LTBP4: variants seen among roughly 807,000 people sequenced by gnomAD.
LTBP4 encodes latent-transforming growth factor beta-binding protein 4.
In LTBP4, 93 loss-of-function variants were observed where a neutral mutation model predicts 180.2. The ratio of observed to expected loss-of-function variants is 0.52; its 90% CI spans 0.44 to 0.61. LTBP4 has a LOEUF of 0.61. LTBP4 is among the 20% of genes least tolerant of loss of function. The probability of loss-of-function intolerance (pLI) is 0.00; values close to 1 mark genes in which losing one functional copy is unlikely to be tolerated. For missense variants in LTBP4, 2,116 were observed against 2,256.5 expected (o/e 0.94, Z 1.26); for synonymous variants, 947 against 934.5 (o/e 1.01, Z -0.24).
At chr19:40,626,204 C>T (rs2081632609) in intron 27 of LTBP4, among the ~76,000 whole-genome samples, 195 bp downstream of exon 27, 1 of 152,180 alleles carries the variant, frequency 6.6e-6, no homozygotes, top group Non-Finnish European at 1.5e-5. Context: ...CAGCCACAGA[C>T]ATCCCAAGGC....
chr19:40,596,917 C>T (rs952290421), upstream of LTBP4, among the ~76,000 whole-genome samples: 2 of 152,106 alleles, frequency 1.3e-5, no homozygotes, highest in African/African-American at 4.8e-5. Context: ...TTAAGCACCC[C>T]TACGCCTGGG....
At chr19:40,625,331 G>T (rs1306643008) in intron 26 of LTBP4, among the ~76,000 whole-genome samples, 25 of 67,958 alleles carry the variant, frequency 3.7e-4, no homozygotes, top group South Asian at 1.0e-3. Flanking sequence ...TTTTTTTAAA[G>T]ATGGGTTTTT....
In LTBP4 at chr19:40,627,053, A is replaced by G. The variant is rs1260963817; in HGVS notation, c.4064A>G (p.Tyr1355Cys). The change falls in exon 28 of 30, where the codon TAC becomes TGC. Residue 1355 changes from tyrosine (Y) to cysteine (C), a missense_variant. By Grantham distance (194) the Tyr-to-Cys change is radical. Transcript: ENST00000396819. ...CGACCAGGTGGCTTTGGACTCCCCT[A>G]CGAGTACGGCCCAGACTTAGGTCCA... ...PPRPGGFGLP[Y>C]EYGPDLGPPY... is the part of the protein sequence containing the mutation. The G allele has an allele frequency of 6.2e-7, 1 of 1,613,260 alleles. No homozygotes were observed. The highest frequency in any genetic ancestry group is 8.5e-7 in the Non-Finnish European group (1 of 1,179,514).
chr19:40,610,991 G>A lies in LTBP4; in HGVS notation c.1811-161G>A, dbSNP rs997982407. On this transcript the variant is annotated intron_variant, in intron 12 of 29. Transcript: ENST00000396819. ...CTACAGAGACAGAACCAGCCAGGCAGCTTAGTAGGGATTGGTGGAGGATGC... is the reference window on the plus strand; with the variant it reads ...CTACAGAGACAGAACCAGCCAGGCAACTTAGTAGGGATTGGTGGAGGATGC... The A allele has an allele frequency of 3.9e-6, 4 of 1,019,514 alleles. No homozygotes were observed. The Admixed American group carries it at 7.5e-5, about 19-fold the overall frequency. The allele number at this position is 1,019,514 out of a possible 1,614,324, so 63.2% of individuals were successfully genotyped here.
intron 1 of LTBP4, among the ~76,000 whole-genome samples, chr19:40,604,363 G>A (rs2081443858): frequency 6.6e-6 from 1 of 152,080 alleles, no homozygotes; most frequent in African/African-American, 2.4e-5. Flanking sequence ...GTTGGGCGGG[G>A]AGTTATGCCA....
chr19:40,628,388 A>C (rs2081653069), intron 29 of LTBP4, among the ~76,000 whole-genome samples: 1 of 152,286 alleles, frequency 6.6e-6, no homozygotes, highest in East Asian at 1.9e-4. Context: ...ATACAAAATT[A>C]GCCGGGTGTG....
chr19:40,607,483 C>G lies in LTBP4; in HGVS notation c.1110C>G (p.Gly370=). The G allele has an allele frequency of 6.2e-7, 1 of 1,613,060 alleles. No individual in the cohort carries two copies. The highest frequency in any genetic ancestry group is 8.5e-7 in the Non-Finnish European group (1 of 1,179,712). ...AGATCTGCTGCTGCAGCCGCGTAGG[C>G]AAGGCCTGGGGCCGGGGCTGCCAGC... is the stretch of plus-strand genomic sequence containing the variant. ...TKQICCCSRV[G]KAWGRGCQLC... Residue 370 remains glycine, a synonymous_variant, in exon 7 of 30, where the codon GGC becomes GGG. Coordinates refer to ENST00000396819, the MANE Select transcript of LTBP4 (RefSeq NM_001042545.2).
chr19:40,629,323 G>A lies in LTBP4; in HGVS notation c.4520-73G>A. On this transcript the variant is annotated intron_variant, in intron 29 of 29. Coordinates refer to ENST00000396819, the MANE Select transcript of LTBP4 (RefSeq NM_001042545.2). The surrounding 1 kb of genome is among the most constrained non-coding windows in gnomAD (Gnocchi z 4.5). ...CAGCATCTGTGCTCCTCTGTTCCAA[G>A]AACTTAAGGGGCCAAGGAGGCGAGC... 6.3e-7 allele frequency: 1 copy of A among 1,596,828 alleles called. No homozygotes were observed. Among genetic ancestry groups the A allele is most frequent in the South Asian group, 1.1e-5 (1 of 90,740 alleles).
At chr19:40,615,591 C>G (rs2081543278) in intron 19 of LTBP4, among the ~76,000 whole-genome samples, 1 of 152,170 alleles carries the variant, frequency 6.6e-6, no homozygotes, top group South Asian at 2.1e-4. Flanking sequence ...AACCCCGTCT[C>G]TACTAAAAAT....
Position 40,605,861 on chromosome 19 carries a change from G to A in LTBP4, c.793+30G>A, listed in dbSNP as rs1243366617. On this transcript the variant is annotated intron_variant, in intron 4 of 29. Transcript: ENST00000396819. This position sits in a 1 kb window ranked among gnomAD's most constrained non-coding sequence, Gnocchi z 5.5. ...GCCCCAGGACGTCCCCGAAGTGCTC[G>A]GAGCTGGGGAGTGGTGACAACCTCA... 3 of 1,529,106 alleles carry A rather than the reference G, an allele frequency of 2.0e-6. No homozygotes were observed. The highest frequency in any genetic ancestry group is 2.6e-6 in the Non-Finnish European group (3 of 1,142,272). 94.7% of individuals were successfully genotyped at this position (1,529,106 alleles called of 1,614,324 possible).
At chr19:40,596,175 C>A (rs1473585242) in intron 1 of LTBP4, among the ~76,000 whole-genome samples, 1 of 151,930 alleles carries the variant, frequency 6.6e-6, no homozygotes, top group Non-Finnish European at 1.5e-5. Context: ...CCGCCTCGGC[C>A]TCCCAAAGTG....
chr19:40,606,249 G>C lies in LTBP4; in HGVS notation c.810G>C (p.Val270=). The C allele has an allele frequency of 6.3e-7, 1 of 1,592,520 alleles. No individual in the cohort carries two copies. The highest frequency in any genetic ancestry group is 8.6e-7 in the Non-Finnish European group (1 of 1,169,208). Residue 270 remains valine, a synonymous_variant, in exon 5 of 30, where the codon GTG becomes GTC. Coordinates refer to ENST00000396819, the MANE Select transcript of LTBP4 (RefSeq NM_001042545.2). ...TCGCCACAGGGAACTCCGAAAGAGT[G>C]AGCGCCCCAGATGGACCTTGTCCAA... The part of the protein sequence containing the change: ...CSERLGNSER[V]SAPDGPCPTG...
At position 40,610,098 on chromosome 19, in the gene LTBP4, T is replaced by A. The variant is rs539182914; in HGVS notation, c.1684+227T>A. 7.9e-5 allele frequency: 45 copies of A among 568,504 alleles called. 1 individual carries two copies. The highest frequency in any genetic ancestry group is 9.5e-4 in the Middle Eastern group (2 of 2,108). 35.2% of individuals were successfully genotyped at this position (568,504 alleles called of 1,614,324 possible). On this transcript the variant is annotated intron_variant, in intron 11 of 29. Coordinates refer to ENST00000396819, the MANE Select transcript of LTBP4 (RefSeq NM_001042545.2). ...CAAACTGCCAGTTTCTATCGGGGCC[T>A]GGTCGCAACTCGTATTGCTCCGCCC...
chr19:40,597,409 C>A (rs755978843), upstream of LTBP4: 1 of 1,493,924 alleles, frequency 6.7e-7, no homozygotes, highest in South Asian at 1.3e-5. Context: ...TGTGCCCCTT[C>A]CACCCAATAA....
rs1568402759 is a variant in LTBP4 at position 40,605,363 on chromosome 19, A to G, written c.443-42A>G. On this transcript the variant is annotated intron_variant, in intron 2 of 29. Transcript: ENST00000396819. The surrounding 1 kb of genome is among the most constrained non-coding windows in gnomAD (Gnocchi z 5.5). ...GCCTTGTCTAGCCCCACCCCGTAAG[A>G]ACCCGTGTAGACATCCGTTTGCCCG... 28 of 1,608,762 alleles carry G rather than the reference A, an allele frequency of 1.7e-5. No homozygotes were observed. Among genetic ancestry groups the G allele is most frequent in the Non-Finnish European group, 2.4e-5 (28 of 1,177,184 alleles).
In LTBP4 at chr19:40,622,969, C is replaced by G; in HGVS notation, c.3504C>G (p.Cys1168Trp). 1.9e-6 allele frequency: 3 copies of G among 1,613,078 alleles called. No individual in the cohort carries two copies. Among genetic ancestry groups the G allele is most frequent in the Non-Finnish European group, 1.7e-6 (2 of 1,179,614 alleles). ...GTGTAGCTGAGTACCAGTCATTGTG[C>G]CCTCACGGCCGGGGCTACCTGGCGC... ...GTETAEYQSL[C>W]PHGRGYLAPS... The change falls in exon 24 of 30, where the codon TGC (cysteine) becomes TGG (tryptophan). Residue 1168 changes from cysteine (C) to tryptophan (W), a missense_variant. Physicochemically the swap from Cys to Trp is radical, Grantham distance 215. Coordinates refer to ENST00000396819, the MANE Select transcript of LTBP4 (RefSeq NM_001042545.2). The surrounding 1 kb of genome is among the most constrained non-coding windows in gnomAD (Gnocchi z 5.1).
chr19:40,615,281 A>G (rs2081541153), intron 19 of LTBP4: 1 of 146,786 alleles, frequency 6.8e-6, no homozygotes, highest in African/African-American at 2.5e-5. Flanking sequence ...TGACTCTGCT[A>G]GACCTCTGAC....
intron 7 of LTBP4, 70 bp from the exon 8 acceptor site, chr19:40,608,150 A>G (rs2081476665): frequency 6.4e-7 from 1 of 1,570,004 alleles, no homozygotes; most frequent in African/African-American, 1.4e-5. Context: ...AGCCAAGGCC[A>G]GAGTCTGGGC....
intron 1 of LTBP4, chr19:40,594,500 C>G (rs11083560): frequency 0.27 from 40,850 of 151,884 alleles, 5,696 homozygotes; most frequent in Middle Eastern, 0.32. Flanking sequence ...CGCTGGATCC[C>G]GGACAGAAGG....
Sources: allele counts gnomAD v4.1 joint callset (sites outside exome capture counted in the v4.1 genomes callset), GRCh38; gene constraint gnomAD v4.1.1; non-coding constraint Gnocchi (gnomAD v3.1); transcripts MANE v1.5; gene names NCBI Gene and HGNC (gene_info 2026-07-23, HGNC 2026-07-21).